Variants in SLC9A9 observed in about 807,000 individuals in gnomAD.
SLC9A9 encodes solute carrier family 9 member A9.
A neutral mutation model predicts 77.8 loss-of-function variants in SLC9A9; 62 were observed. The ratio of observed to expected loss-of-function variants is 0.80; its 90% CI spans 0.65 to 0.98. The LOEUF is 0.98. SLC9A9 is among the 50% of genes least tolerant of loss of function. The pLI, the probability that SLC9A9 is intolerant of heterozygous loss-of-function variation, is 0.00. For missense variants in SLC9A9, 775 were observed against 774.9 expected (o/e 1.00, Z 0.00); for synonymous variants, 320 against 283.5 (o/e 1.13, Z -1.29).
At chr3:143,618,066 G>C (rs1311762088) in intron 6 of SLC9A9, among the ~76,000 whole-genome samples, 1 of 152,142 alleles carries the variant, frequency 6.6e-6, no homozygotes, top group African/African-American at 2.4e-5. Context: ...AGAGAAAATG[G>C]ATCCTAGGAA....
At chr3:143,629,025 G>T (rs939021339) in intron 6 of SLC9A9, among the ~76,000 whole-genome samples, 1 of 152,076 alleles carries the variant, frequency 6.6e-6, no homozygotes, top group Non-Finnish European at 1.5e-5. Context: ...AGTCTTTTTG[G>T]GGTAAATTAT....
intron 6 of SLC9A9, among the ~76,000 whole-genome samples, chr3:143,633,959 A>G (rs2038469675): frequency 6.6e-6 from 1 of 152,122 alleles, no homozygotes; most frequent in Admixed American, 6.5e-5. Flanking sequence ...AAAACACCCA[A>G]ACTGTTGCCT....
chr3:143,397,608 T>C (rs1423310589), intron 12 of SLC9A9, among the ~76,000 whole-genome samples: 1 of 152,180 alleles, frequency 6.6e-6, no homozygotes, highest in East Asian at 1.9e-4. Flanking sequence ...TTCCCTCACT[T>C]TTCAGTGTCC....
chr3:143,588,684 T>G (rs959292096), intron 6 of SLC9A9, among the ~76,000 whole-genome samples: 2 of 152,252 alleles, frequency 1.3e-5, no homozygotes, highest in African/African-American at 2.4e-5. Flanking sequence ...TTGAGAAATA[T>G]TCTCTTATAC....
rs544651578 is a variant in SLC9A9 at position 143,347,314 on chromosome 3, G to T, written c.1604+16170C>A. ...TTATGTAGAGTTTAATCAGATGGCA[G>T]TTGTGGGAAAGAAGCAGAAATAGTT... On this transcript the variant is annotated intron_variant, in intron 14 of 15. Coordinates refer to ENST00000316549, the MANE Select transcript of SLC9A9 (RefSeq NM_173653.4). 5.3e-5 allele frequency among the ~76,000 whole-genome samples: 8 copies of T among 152,346 alleles called. No homozygotes were observed. The South Asian group carries it at 1.7e-3, about 32-fold the overall frequency.
chr3:143,720,189 A>AT (rs1472993474), intron 4 of SLC9A9, among the ~76,000 whole-genome samples: 2 of 151,462 alleles, frequency 1.3e-5, no homozygotes, highest in Non-Finnish European at 2.9e-5. Flanking sequence ...ATGTAGAGTT[A>AT]TATAAGATGC....
At chr3:143,742,485 A>G (rs1214201626) in intron 4 of SLC9A9, among the ~76,000 whole-genome samples, 1 of 152,212 alleles carries the variant, frequency 6.6e-6, no homozygotes, top group African/African-American at 2.4e-5. Context: ...TCTAATCATG[A>G]AAAAATATCA....
chr3:143,495,894 A>C (rs2108592858), intron 9 of SLC9A9, among the ~76,000 whole-genome samples: 1 of 152,276 alleles, frequency 6.6e-6, no homozygotes, highest in African/African-American at 2.4e-5. Context: ...GCTTAAACTA[A>C]ATTACCCTTC....
At chr3:143,698,712 A>T (rs985382237) in intron 4 of SLC9A9, among the ~76,000 whole-genome samples, 1 of 151,456 alleles carries the variant, frequency 6.6e-6, no homozygotes, top group African/African-American at 2.5e-5. Flanking sequence ...CTTCTTTTTT[A>T]AAAATAACCT....
intron 5 of SLC9A9, among the ~76,000 whole-genome samples, chr3:143,686,856 T>G (rs10513217): frequency 0.42 from 63,860 of 151,964 alleles, 13,704 homozygotes; most frequent in South Asian, 0.6. Context: ...GCTTTTGCTC[T>G]CTTAAGTTTT....
chr3:143,355,346 G>A (rs1418287341), intron 14 of SLC9A9, among the ~76,000 whole-genome samples: 3 of 152,138 alleles, frequency 2.0e-5, no homozygotes, highest in Non-Finnish European at 2.9e-5. Context: ...CTATCAGTAG[G>A]TATAAATAAT....
At chr3:143,622,157 A>T (rs1321892493) in intron 6 of SLC9A9, among the ~76,000 whole-genome samples, 1 of 152,256 alleles carries the variant, frequency 6.6e-6, no homozygotes, top group Admixed American at 6.5e-5. Flanking sequence ...CCTGAAAGTG[A>T]TGGGGAGAAT....
chr3:143,528,848 G>A (rs907298325), intron 9 of SLC9A9, among the ~76,000 whole-genome samples: 4 of 151,946 alleles, frequency 2.6e-5, no homozygotes, highest in Admixed American at 2.6e-4. Context: ...CTTACTGTGT[G>A]CCAGGCATCA....
At position 143,392,209 on chromosome 3, in the gene SLC9A9, G is replaced by A. The variant is rs556897133; in HGVS notation, c.1470-10095C>T. On this transcript the variant is annotated intron_variant, in intron 12 of 15. Coordinates refer to ENST00000316549, the MANE Select transcript of SLC9A9 (RefSeq NM_173653.4). ...TTAAGGGCAGCCAGAGAGAAAGGTC[G>A]GGTTACCCACAAAGGGAAGCCCATC... Among the ~76,000 whole-genome samples, 19 of 152,220 alleles carry A rather than the reference G, an allele frequency of 1.2e-4. No homozygotes were observed. In the South Asian group the frequency reaches 2.5e-3, roughly 20 times the overall value.
chr3:143,682,456 G>A (rs1030490877), intron 5 of SLC9A9, among the ~76,000 whole-genome samples: 2 of 151,926 alleles, frequency 1.3e-5, no homozygotes, highest in African/African-American at 4.8e-5. Flanking sequence ...TACATTGTCT[G>A]GATCAATGAA....
At position 143,727,257 on chromosome 3, in the gene SLC9A9, T is replaced by C. The variant is rs543490447; in HGVS notation, c.534-33950A>G. On this transcript the variant is annotated intron_variant, in intron 4 of 15. Coordinates refer to ENST00000316549, the MANE Select transcript of SLC9A9 (RefSeq NM_173653.4). ...CCATTGAAAACCAAATCTTTTTATT[T>C]CTAATCAAAGTAGTGCAAATAGAAG... 2.0e-5 allele frequency among the ~76,000 whole-genome samples: 3 copies of C among 152,298 alleles called. No individual in the cohort carries two copies. In the South Asian group the frequency reaches 6.2e-4, roughly 32 times the overall value.
chr3:143,838,563 G>A (rs188195249), intron 1 of SLC9A9, among the ~76,000 whole-genome samples: 8 of 152,198 alleles, frequency 5.3e-5, no homozygotes, highest in Non-Finnish European at 8.8e-5. Context: ...GAGGGACAGA[G>A]AGGACATGGA....
chr3:143,844,777 CTTT>C (rs2009796482), intron 1 of SLC9A9, among the ~76,000 whole-genome samples: 1 of 138,296 alleles, frequency 7.2e-6, no homozygotes, highest in African/African-American at 2.8e-5. Context: ...TTCTTTCTTT[CTTT>C]CTTTCTTTCT....
Position 143,574,586 on chromosome 3 carries a change from C to T in SLC9A9, c.895-393G>A, listed in dbSNP as rs1378886420. The stretch of plus-strand genomic sequence containing the variant: ...CTGCAAGTATGTCAGTACCAAGGAG[C>T]GCTGCTCCCTCGGGAGTGCAGTCTG... On this transcript the variant is annotated intron_variant, in intron 7 of 15. Transcript: ENST00000316549. 6.6e-5 allele frequency among the ~76,000 whole-genome samples: 10 copies of T among 152,086 alleles called. No homozygotes were observed. The East Asian group carries it at 1.2e-3, about 18-fold the overall frequency.
Sources: gnomAD v4.1 joint callset for allele counts (sites outside exome capture counted in the v4.1 genomes callset) on GRCh38, gnomAD v4.1.1 for gene constraint, MANE v1.5 for transcripts, NCBI Gene and HGNC (gene_info 2026-07-23, HGNC 2026-07-21) for gene names.